The following TAAR9 variants were observed in gnomAD, a reference collection of about 807,000 sequenced individuals.
TAAR9 encodes trace amine-associated receptor 9.
For missense variants in TAAR9, 453 were observed against 409.4 expected (o/e 1.11, Z -0.92); for synonymous variants, 162 against 152.6 (o/e 1.06, Z -0.45).
exon 1 of TAAR9, chr6:132,538,671 G>A (rs1776253996): frequency 6.2e-7 from 1 of 1,610,880 alleles, no homozygotes; most frequent in Non-Finnish European, 8.5e-7. Context: ...CTGTATCTCT[G>A]TTGATAGATA....
At chr6:132,538,834 T>C (rs1355614666) in exon 1 of TAAR9, 3 of 1,613,900 alleles carry the variant, frequency 1.9e-6, no homozygotes, top group East Asian at 4.5e-5. Flanking sequence ...GAATTAGTAG[T>C]TGCTCTAACC....
exon 1 of TAAR9, chr6:132,539,146 T>A: frequency 6.3e-7 from 1 of 1,576,910 alleles, no homozygotes; most frequent in Non-Finnish European, 8.6e-7. Flanking sequence ...TATATGAATT[T>A]TATAACTCCT....
At chr6:132,538,400 C>G (rs374883560) in exon 1 of TAAR9, 2 of 1,613,742 alleles carry the variant, frequency 1.2e-6, no homozygotes, top group Non-Finnish European at 8.5e-7. Flanking sequence ...TCCTCTACGC[C>G]GTCCTTGGTT....
At position 132,538,495 on chromosome 6, in the gene TAAR9, T is replaced by A. The variant is rs200626835; in HGVS notation, c.206T>A (p.Phe69Tyr). The A allele has an allele frequency of 8.4e-5, 135 of 1,613,176 alleles. No homozygotes were observed. In the African/African-American group the frequency reaches 1.3e-3, roughly 15 times the overall value. The stretch of plus-strand genomic sequence containing the variant: ...AAACAACTGCACACACCTACAAACT[T>A]TCTGATTGCGTCGCTGGCCTGTGCT... Residue 69 changes from phenylalanine to tyrosine, a missense_variant, in exon 1 of 1, where the codon TTT (phenylalanine) becomes TAT (tyrosine). Transcript: ENST00000434551.
chr6:132,538,592 G>T, exon 1 of TAAR9: 1 of 1,586,420 alleles, frequency 6.3e-7, no homozygotes, highest in South Asian at 1.2e-5. Flanking sequence ...GGTACTTTGG[G>T]GACAGTTACT....
chr6:132,539,190 T>G, exon 1 of TAAR9: 1 of 1,597,826 alleles, frequency 6.3e-7, no homozygotes, highest in East Asian at 2.2e-5. Context: ...TTGGTGTGTT[T>G]ATTATAATTC....
exon 1 of TAAR9, chr6:132,538,425 G>A (rs1206347251): frequency 2.5e-6 from 4 of 1,613,710 alleles, no homozygotes; most frequent in Admixed American, 1.7e-5. Flanking sequence ...GGCTGTGCTG[G>A]CAGCGTTTGG....
exon 1 of TAAR9, chr6:132,539,318 A>T (rs1432793131): frequency 6.2e-7 from 1 of 1,608,256 alleles, no homozygotes; most frequent in Admixed American, 1.7e-5. Context: ...TATTTTCTGA[A>T]GAAGTAGAGA....
At chr6:132,539,210 C>T in exon 1 of TAAR9, 2 of 1,609,694 alleles carry the variant, frequency 1.2e-6, no homozygotes, top group Non-Finnish European at 1.7e-6. Context: ...CAGCTATGAA[C>T]CCCTTGATTT....
At chr6:132,538,454 T>C in exon 1 of TAAR9, 1 of 1,613,704 alleles carries the variant, frequency 6.2e-7, no homozygotes. Context: ...TGGTCATGAT[T>C]GCTATCCTTC....
exon 1 of TAAR9, chr6:132,538,424 G>A (rs1776249588): frequency 6.2e-7 from 1 of 1,613,430 alleles, no homozygotes; most frequent in African/African-American, 1.3e-5. Flanking sequence ...GGGCTGTGCT[G>A]GCAGCGTTTG....
chr6:132,538,583 G>T, exon 1 of TAAR9: 1 of 1,588,440 alleles, frequency 6.3e-7, no homozygotes, highest in Non-Finnish European at 8.6e-7. Context: ...AGAGCTGTTG[G>T]TACTTTGGGG....
At chr6:132,538,966 A>C (rs376887883) in exon 1 of TAAR9, 56 of 1,549,012 alleles carry the variant, frequency 3.6e-5, no homozygotes, top group South Asian at 1.0e-4. Context: ...GTGGCCAAGC[A>C]TCAGGCTAGG....
Position 132,538,334 on chromosome 6 carries a change from C to G in TAAR9, c.45C>G (p.Tyr15Ter). The change falls in exon 1 of 1, where the codon TAC becomes TAG. Residue 15 changes from tyrosine to a stop codon, truncating the protein, a stop_gained. Transcript: ENST00000434551. LOFTEE classifies it low-confidence loss of function (END_TRUNC). ...AAGCTGAGGCTGTGGAGCTGTGTTA[C>G]AAGAACGTGAACGAATCCTGCATTA... 6.2e-7 allele frequency: 1 copy of G among 1,612,630 alleles called. No homozygotes were observed. The highest frequency in any genetic ancestry group is 8.5e-7 in the Non-Finnish European group (1 of 1,179,206).
rs772697674 is a variant in TAAR9, at chr6:132,538,378, G to A, written c.89G>A (p.Gly30Asp). ...TGCATTAAAACTCCTTACTCGCCAG[G>A]TCCTCGATCTATCCTCTACGCCGTC... The change falls in exon 1 of 1, where the codon GGT (glycine) becomes GAT (aspartate). Residue 30 changes from glycine (G) to aspartate (D), a missense_variant. By Grantham distance (94) the Gly-to-Asp change is moderately conservative. Coordinates refer to ENST00000434551, the Ensembl canonical transcript of TAAR9. The A allele has an allele frequency of 5.6e-5, 91 of 1,613,716 alleles. 1 individual carries two copies. In the South Asian group the frequency reaches 9.4e-4, roughly 17 times the overall value.
At chr6:132,538,922 C>T (rs141991091) in exon 1 of TAAR9, 31 of 1,590,574 alleles carry the variant, frequency 1.9e-5, no homozygotes, top group African/African-American at 6.8e-5. Flanking sequence ...TACCCAATGT[C>T]GCCATGGTGT....
rs370103032 is a variant in TAAR9 at position 132,538,940 on chromosome 6, C to G, written c.651C>G (p.Tyr217Ter). 10 of 1,562,236 alleles carry G rather than the reference C, an allele frequency of 6.4e-6. No individual in the cohort carries two copies. The African/African-American group carries it at 1.1e-4, about 17-fold the overall frequency. ...CCAATGTCGCCATGGTGTTTATATA[C>G]AGTAAGATATTTTTGGTGGCCAAGC... is the stretch of plus-strand genomic sequence containing the variant. The change falls in exon 1 of 1, where the codon TAC becomes TAG. Residue 217 changes from tyrosine to a stop codon, truncating the protein, a stop_gained. Coordinates refer to ENST00000434551, the Ensembl canonical transcript of TAAR9. LOFTEE classifies it low-confidence loss of function (END_TRUNC).
exon 1 of TAAR9, chr6:132,539,139 A>G (rs372660876): frequency 1.8e-5 from 29 of 1,574,376 alleles, no homozygotes; most frequent in Non-Finnish European, 2.5e-5. Context: ...TGATGCTTAT[A>G]TGAATTTTAT....
chr6:132,539,191 A>T lies in TAAR9; in HGVS notation c.902A>T (p.Tyr301Phe), dbSNP rs778749892. 1.7e-5 allele frequency: 27 copies of T among 1,596,964 alleles called. No homozygotes were observed. In the East Asian group the frequency reaches 5.6e-4, roughly 33 times the overall value. The change falls in exon 1 of 1, where the codon TAT becomes TTT. Residue 301 changes from tyrosine (Y) to phenylalanine (F), a missense_variant. Tyr to Phe is a conservative substitution (Grantham distance 22). Coordinates refer to ENST00000434551, the Ensembl canonical transcript of TAAR9. ...TATGAGATTTTAGTTTGGTGTGTTTATTATAATTCAGCTATGAACCCCTTG... is the reference window on the plus strand; with the variant it reads ...TATGAGATTTTAGTTTGGTGTGTTTTTTATAATTCAGCTATGAACCCCTTG...
Sources: gnomAD v4.1 joint callset for allele counts on GRCh38, gnomAD v4.1.1 for gene constraint, MANE v1.5 for transcripts, NCBI Gene and HGNC (gene_info 2026-07-23, HGNC 2026-07-21) for gene names.